The following TMEM267 variants were observed in gnomAD, a reference collection of about 807,000 sequenced individuals.
The protein encoded by TMEM267 is transmembrane protein C5orf28.
In TMEM267, 20 loss-of-function variants were observed where a neutral mutation model predicts 19.3. That is an observed-to-expected ratio of 1.04 (90% CI 0.73 to 1.51). The LOEUF (loss-of-function observed/expected upper bound fraction) is 1.51, where lower values mean the gene tolerates loss of function less well. Among genes scored for constraint, TMEM267 ranks in the 40% most tolerant of loss-of-function variants. The probability of loss-of-function intolerance (pLI) is 0.00; values close to 1 mark genes in which losing one functional copy is unlikely to be tolerated. For synonymous variants in TMEM267, 88 were observed against 90.3 expected, an observed-to-expected ratio of 0.97 and a Z score of 0.15; for missense variants, 242 against 261.9, an observed-to-expected ratio of 0.92 and a Z score of 0.52.
chr5:43,473,896 G>A (rs1170587267), intron 1 of TMEM267, among the ~76,000 whole-genome samples: 1 of 152,120 alleles, frequency 6.6e-6, no homozygotes, highest in Non-Finnish European at 1.5e-5. Context: ...AAAACAGCAT[G>A]GTACTGGTAC....
intron 1 of TMEM267, among the ~76,000 whole-genome samples, chr5:43,467,000 T>C (rs555902266): frequency 3.2e-4 from 49 of 151,788 alleles, no homozygotes; most frequent in Non-Finnish European, 5.7e-4. Flanking sequence ...AATATAAAAA[T>C]TAGCTGTGTG....
At chr5:43,470,899 C>G (rs922140970) in intron 1 of TMEM267, among the ~76,000 whole-genome samples, 2 of 151,762 alleles carry the variant, frequency 1.3e-5, no homozygotes, top group Non-Finnish European at 2.9e-5. Context: ...ATGAGCAAAC[C>G]AAGCCCAAAA....
At chr5:43,469,039 T>A (rs967587292) in intron 1 of TMEM267, among the ~76,000 whole-genome samples, 2 of 152,062 alleles carry the variant, frequency 1.3e-5, no homozygotes, top group African/African-American at 4.8e-5. Flanking sequence ...AATGGAAACA[T>A]AATATATCAA....
At chr5:43,467,229 C>T (rs1743792802) in intron 1 of TMEM267, among the ~76,000 whole-genome samples, 1 of 151,354 alleles carries the variant, frequency 6.6e-6, no homozygotes, top group Non-Finnish European at 1.5e-5. Flanking sequence ...AGAGTAAGTC[C>T]TTACTTATTA....
At chr5:43,479,165 C>T (rs1027585136) in intron 1 of TMEM267, among the ~76,000 whole-genome samples, 1 of 151,784 alleles carries the variant, frequency 6.6e-6, no homozygotes, top group East Asian at 1.9e-4. Flanking sequence ...TACTTATTCT[C>T]ATATTTACTG....
In TMEM267 at chr5:43,454,175, T is replaced by C. The variant is rs1403403512; in HGVS notation, c.-74-132A>G. On this transcript the variant is annotated intron_variant, in intron 1 of 2. Transcript: ENST00000397080. ...AAATACTGGCAACTTTTACATGTTA[T>C]ATATAATATGTCACATAGCCCAAGG... is the stretch of plus-strand genomic sequence containing the variant. 3 of 561,430 alleles carry C rather than the reference T, an allele frequency of 5.3e-6. No homozygotes were observed. In the East Asian group the frequency reaches 9.4e-5, roughly 18 times the overall value. 34.8% of individuals were successfully genotyped at this position (561,430 alleles called of 1,614,324 possible).
chr5:43,463,683 A>G (rs535109118), intron 1 of TMEM267, among the ~76,000 whole-genome samples: 2 of 152,300 alleles, frequency 1.3e-5, no homozygotes, highest in South Asian at 2.1e-4. Flanking sequence ...CCAGCATATA[A>G]ACAGAAGCAA....
At chr5:43,455,230 C>A (rs1742872400) in intron 1 of TMEM267, among the ~76,000 whole-genome samples, 1 of 151,990 alleles carries the variant, frequency 6.6e-6, no homozygotes, top group South Asian at 2.1e-4. Flanking sequence ...TCGAGACCAA[C>A]CTGGGCAACA....
At chr5:43,452,190 A>T (rs1742641664) in intron 2 of TMEM267, among the ~76,000 whole-genome samples, 1 of 152,188 alleles carries the variant, frequency 6.6e-6, no homozygotes, top group South Asian at 2.1e-4. Flanking sequence ...CATGGAATTA[A>T]CTTAAGTGTC....
chr5:43,460,958 G>A (rs1005483005), intron 1 of TMEM267, among the ~76,000 whole-genome samples: 4 of 152,190 alleles, frequency 2.6e-5, no homozygotes, highest in African/African-American at 4.8e-5. Context: ...AGTGGACTGC[G>A]TGGGCACATG....
chr5:43,473,971 A>G (rs1420150060), intron 1 of TMEM267, among the ~76,000 whole-genome samples: 1 of 152,202 alleles, frequency 6.6e-6, no homozygotes, highest in African/African-American at 2.4e-5. Context: ...CACATCTACA[A>G]CCATCTGATC....
At chr5:43,465,964 A>AT (rs1355057733) in intron 1 of TMEM267, among the ~76,000 whole-genome samples, 5 of 88,872 alleles carry the variant, frequency 5.6e-5, no homozygotes, top group African/African-American at 3.3e-4. Context: ...TAATAATAAA[A>AT]TTTAAAAAAA....
intron 1 of TMEM267, among the ~76,000 whole-genome samples, chr5:43,477,526 G>A (rs770014097): frequency 2.0e-5 from 3 of 151,262 alleles, no homozygotes; most frequent in Non-Finnish European, 2.9e-5. Context: ...CCCAGGAGGC[G>A]GAGGTTGCAG....
chr5:43,475,441 G>A (rs545799874), intron 1 of TMEM267, among the ~76,000 whole-genome samples: 1 of 152,130 alleles, frequency 6.6e-6, no homozygotes, highest in East Asian at 1.9e-4. Context: ...AGGTTGATGG[G>A]TGCAGCAAAC....
At chr5:43,454,932 A>T (rs911729107) in intron 1 of TMEM267, among the ~76,000 whole-genome samples, 3 of 152,158 alleles carry the variant, frequency 2.0e-5, no homozygotes, top group African/African-American at 7.2e-5. Context: ...TTTCTTTTAC[A>T]TTGTTTTGTT....
chr5:43,446,323 T>C lies in TMEM267; in HGVS notation c.547A>G (p.Ile183Val). 2 of 1,613,854 alleles carry C rather than the reference T, an allele frequency of 1.2e-6. No individual in the cohort carries two copies. Among genetic ancestry groups the C allele is most frequent in the Non-Finnish European group, 1.7e-6 (2 of 1,179,734 alleles). ...ATGTGAGGTAAAGATGATGTGATTA[T>C]TACATAAAGCCAGAATGGCAAAGGA... ...TSPLPFWLYV[I>V]ITSSLPHICS... The change falls in exon 3 of 3, where the codon ATA (isoleucine) becomes GTA (valine). Residue 183 changes from isoleucine to valine, a missense_variant. Coordinates refer to ENST00000397080, the MANE Select transcript of TMEM267 (RefSeq NM_022483.5).
At chr5:43,473,044 A>G (rs961781764) in intron 1 of TMEM267, among the ~76,000 whole-genome samples, 6 of 150,024 alleles carry the variant, frequency 4.0e-5, no homozygotes, top group African/African-American at 1.5e-4. Flanking sequence ...AGGCTGAGGC[A>G]GGAGAATCAC....
At chr5:43,466,842 A>G (rs961532752) in intron 1 of TMEM267, among the ~76,000 whole-genome samples, 1 of 152,090 alleles carries the variant, frequency 6.6e-6, no homozygotes, top group Non-Finnish European at 1.5e-5. Context: ...CTAAAGGAAG[A>G]CAGGAAGGAA....
At chr5:43,462,008 G>A (rs1743298563) in intron 1 of TMEM267, among the ~76,000 whole-genome samples, 1 of 152,224 alleles carries the variant, frequency 6.6e-6, no homozygotes, top group Non-Finnish European at 1.5e-5. Context: ...CTGGGTTCAG[G>A]TCTGACCCAG....
Sources: allele counts gnomAD v4.1 joint callset (sites outside exome capture counted in the v4.1 genomes callset), GRCh38; gene constraint gnomAD v4.1.1; transcripts MANE v1.5; gene names NCBI Gene and HGNC (gene_info 2026-07-23, HGNC 2026-07-21).